The following DAW1 variants were observed in gnomAD, a reference collection of about 807,000 sequenced individuals.
DAW1 encodes the protein dynein assembly factor with WD repeat domains 1.
Under a neutral mutation model 56.5 loss-of-function variants are expected in DAW1, and 47 were observed. The observed-to-expected ratio is 0.83, with a 90% confidence interval of 0.66 to 1.06. The LOEUF (loss-of-function observed/expected upper bound fraction) is 1.06, where lower values mean the gene tolerates loss of function less well. DAW1 is among the 50% of genes least tolerant of loss of function. DAW1 has a pLI of 0.00. For synonymous variants in DAW1, 190 were observed against 179.0 expected (o/e 1.06, Z -0.49); for missense variants, 505 against 499.3 (o/e 1.01, Z -0.11).
chr2:227,919,821 T>C (rs988338859), intron 11 of DAW1, among the ~76,000 whole-genome samples: 2 of 152,210 alleles, frequency 1.3e-5, no homozygotes, highest in African/African-American at 4.8e-5. Context: ...TCAGATTTGT[T>C]CCTGCTTTGC....
intron 12 of DAW1, 126 bp from the exon 13 acceptor site, chr2:227,923,808 C>T (rs188583977): frequency 3.0e-5 from 34 of 1,129,314 alleles, no homozygotes; most frequent in Middle Eastern, 2.3e-4. Context: ...CAGCTAGGCG[C>T]GGAGAACCTA....
intron 5 of DAW1, among the ~76,000 whole-genome samples, chr2:227,897,539 G>A (rs1440621201): frequency 6.6e-6 from 1 of 152,162 alleles, no homozygotes; most frequent in Non-Finnish European, 1.5e-5. Flanking sequence ...TTAAAAGAAA[G>A]GTTTTAGTTC....
chr2:227,914,053 A>C lies in DAW1; in HGVS notation c.974-4727A>C, dbSNP rs149778359. Among the ~76,000 whole-genome samples, 275 of 151,768 alleles carry C rather than the reference A, an allele frequency of 1.8e-3. 1 individual carries two copies. Among genetic ancestry groups the C allele is most frequent in the African/African-American group, 5.6e-3 (230 of 41,394 alleles). On this transcript the variant is annotated intron_variant, in intron 10 of 12. Coordinates refer to ENST00000309931, the MANE Select transcript of DAW1 (RefSeq NM_178821.3). Reference sequence around the variant, plus strand: ...TATTCATGTTCCTAAAGGCCTTTATAATGCAACAATATTTCTGTGGCATTT... The same window carrying C: ...TATTCATGTTCCTAAAGGCCTTTATCATGCAACAATATTTCTGTGGCATTT...
intron 2 of DAW1, among the ~76,000 whole-genome samples, chr2:227,888,142 CT>C (rs1691174025): frequency 6.6e-6 from 1 of 152,150 alleles, no homozygotes; most frequent in Admixed American, 6.5e-5. Context: ...GATTATGTTT[CT>C]TGAGAGCTGG....
chr2:227,880,912 G>A (rs1346620783), intron 1 of DAW1, among the ~76,000 whole-genome samples: 1 of 152,182 alleles, frequency 6.6e-6, no homozygotes, highest in Non-Finnish European at 1.5e-5. Context: ...TACTTAGCAT[G>A]TTGATGGTAA....
intron 12 of DAW1, among the ~76,000 whole-genome samples, chr2:227,922,187 G>A (rs1454395542): frequency 6.6e-6 from 1 of 152,188 alleles, no homozygotes; most frequent in Non-Finnish European, 1.5e-5. Flanking sequence ...GTAAGTGTTA[G>A]TAACCAAAAC....
intron 10 of DAW1, among the ~76,000 whole-genome samples, chr2:227,910,272 T>C (rs954514892): frequency 6.6e-6 from 1 of 152,012 alleles, no homozygotes; most frequent in Non-Finnish European, 1.5e-5. Flanking sequence ...GGCAACATAG[T>C]GAGACCCCAT....
intron 4 of DAW1, among the ~76,000 whole-genome samples, chr2:227,891,878 G>A (rs974876425): frequency 1.3e-5 from 2 of 152,192 alleles, no homozygotes; most frequent in African/African-American, 4.8e-5. Flanking sequence ...TGTCACAGTT[G>A]GGGAGGTTAG....
At chr2:227,879,780 C>G in intron 1 of DAW1, among the ~76,000 whole-genome samples, 1 of 152,132 alleles carries the variant, frequency 6.6e-6, no homozygotes, top group Non-Finnish European at 1.5e-5. Flanking sequence ...TTGAACAATA[C>G]ATTCTTTCTC....
intron 6 of DAW1, 62 bp downstream of exon 6, chr2:227,898,343 T>G: frequency 1.2e-6 from 1 of 861,270 alleles, no homozygotes; most frequent in Admixed American, 4.8e-5. Context: ...TTCTTTGAGA[T>G]GGAGTCTCAC....
chr2:227,911,306 G>C (rs866386663), intron 10 of DAW1, among the ~76,000 whole-genome samples: 1 of 46,234 alleles, frequency 2.2e-5, no homozygotes, highest in Non-Finnish European at 5.6e-5. Flanking sequence ...ACACGTGTAT[G>C]TATAAGCATA....
chr2:227,918,850 T>C lies in DAW1; in HGVS notation c.1044T>C (p.Ile348=), dbSNP rs910062093. The change falls in exon 11 of 13, where the codon ATT becomes ATC. Residue 348 remains isoleucine, a synonymous_variant. Coordinates refer to ENST00000309931, the MANE Select transcript of DAW1 (RefSeq NM_178821.3). ...AACTGGAAGGTCATGAAGGTGAAAT[T>C]TCAAAGGTGAGTCGCTTTCTCATTT... The part of the protein sequence containing the change: ...IAKLEGHEGE[I]SKISFNPQGN... The C allele has an allele frequency of 3.1e-6, 5 of 1,613,938 alleles. No homozygotes were observed. The highest frequency in any genetic ancestry group is 4.2e-6 in the Non-Finnish European group (5 of 1,180,016).
Position 227,921,454 on chromosome 2 carries a change from C to T in DAW1, c.1106C>T (p.Ala369Val), listed in dbSNP as rs770098573. The change falls in exon 12 of 13, where the codon GCT becomes GTT. Residue 369 changes from alanine (A) to valine (V), a missense_variant. By Grantham distance (64) the Ala-to-Val change is moderately conservative. Coordinates refer to ENST00000309931, the MANE Select transcript of DAW1 (RefSeq NM_178821.3). ...HLLTGSSDKTARIWDAQTGQC... is the reference protein window; with the variant it reads ...HLLTGSSDKTVRIWDAQTGQC... ...CTAACTGGCAGCTCTGACAAAACGG[C>T]TAGAATCTGGGATGCTCAGACTGGC... 6.2e-7 allele frequency: 1 copy of T among 1,613,788 alleles called. No individual in the cohort carries two copies. Among genetic ancestry groups the T allele is most frequent in the Non-Finnish European group, 8.5e-7 (1 of 1,179,934 alleles).
chr2:227,912,848 C>T (rs1013498556), intron 10 of DAW1, among the ~76,000 whole-genome samples: 1 of 152,124 alleles, frequency 6.6e-6, no homozygotes, highest in Non-Finnish European at 1.5e-5. Context: ...TCTTAGACAA[C>T]TATGTATGCT....
chr2:227,895,119 A>G (rs1025359913), intron 5 of DAW1, among the ~76,000 whole-genome samples: 1 of 152,196 alleles, frequency 6.6e-6, no homozygotes, highest in African/African-American at 2.4e-5. Context: ...TTCTGTACTC[A>G]GATTGTTCTG....
chr2:227,895,993 A>G (rs892005712), intron 5 of DAW1, among the ~76,000 whole-genome samples: 2 of 152,148 alleles, frequency 1.3e-5, no homozygotes, highest in African/African-American at 4.8e-5. Flanking sequence ...TAGAATAGAC[A>G]TTTTATACTA....
chr2:227,903,974 T>C (rs754736819), intron 7 of DAW1, among the ~76,000 whole-genome samples: 1 of 142,216 alleles, frequency 7.0e-6, no homozygotes, highest in Non-Finnish European at 1.5e-5. Flanking sequence ...CTTTCTGTTC[T>C]CAGTTCTTTT....
At position 227,890,005 on chromosome 2, in the gene DAW1, T is replaced by A; in HGVS notation, c.258+5T>A. ...CACACGTTCTATCTTTTTAAGGTAA[T>A]GGATTTAAAAACAATCAGATAGAAG... On this transcript the variant is annotated splice_donor_5th_base_variant and intron_variant, in intron 3 of 12. Transcript: ENST00000309931. 2.6e-6 allele frequency: 4 copies of A among 1,550,456 alleles called. No individual in the cohort carries two copies. The highest frequency in any genetic ancestry group is 3.5e-6 in the Non-Finnish European group (4 of 1,152,986).
At chr2:227,918,186 TC>T (rs551420651) in intron 10 of DAW1, among the ~76,000 whole-genome samples, 1 of 79,476 alleles carries the variant, frequency 1.3e-5, no homozygotes, top group South Asian at 3.7e-4. Flanking sequence ...CATCCATCCA[TC>T]CATCCATCCA....
Sources: allele counts gnomAD v4.1 joint callset (sites outside exome capture counted in the v4.1 genomes callset), GRCh38; gene constraint gnomAD v4.1.1; transcripts MANE v1.5; gene names NCBI Gene and HGNC (gene_info 2026-07-23, HGNC 2026-07-21).